The following KATNIP variants were observed in gnomAD, a reference collection of about 807,000 sequenced individuals.
KATNIP encodes katanin interacting protein.
In KATNIP, 126 loss-of-function variants were observed where a neutral mutation model predicts 174.0. The ratio of observed to expected loss-of-function variants is 0.72; its 90% CI spans 0.63 to 0.84. KATNIP has a LOEUF of 0.84. KATNIP is among the 40% of genes least tolerant of loss of function. KATNIP has a pLI of 0.00. For missense variants in KATNIP, 1,958 were observed against 2,109.7 expected (o/e 0.93, Z 1.41); for synonymous variants, 810 against 835.7 (o/e 0.97, Z 0.53).
intron 5 of KATNIP, among the ~76,000 whole-genome samples, chr16:27,642,003 A>G (rs931074602): frequency 6.6e-6 from 1 of 152,200 alleles, no homozygotes; most frequent in Non-Finnish European, 1.5e-5. Context: ...CCCCGGCTAG[A>G]AGGCCTCCTG....
At chr16:27,679,515 G>T (rs972393302) in intron 7 of KATNIP, among the ~76,000 whole-genome samples, 3 of 152,088 alleles carry the variant, frequency 2.0e-5, no homozygotes, top group African/African-American at 7.2e-5. Context: ...AACAGTTTCG[G>T]CAGCCAAGGC....
chr16:27,654,587 G>A (rs2077209455), intron 6 of KATNIP: 1 of 1,351,956 alleles, frequency 7.4e-7, no homozygotes, highest in African/African-American at 1.5e-5. Flanking sequence ...ACCATGCCCA[G>A]TTTTCTGTGC....
At chr16:27,655,187 T>TGG (rs2077232603) in intron 6 of KATNIP, among the ~76,000 whole-genome samples, 56 of 45,486 alleles carry the variant, frequency 1.2e-3, no homozygotes, top group African/African-American at 6.9e-3. Flanking sequence ...GATATATATA[T>TGG]ATATATATAT....
At chr16:27,703,833 G>T in intron 11 of KATNIP, 63 bp from the exon 12 acceptor site, 1 of 1,247,236 alleles carries the variant, frequency 8.0e-7, no homozygotes, top group Non-Finnish European at 1.2e-6. Flanking sequence ...ACTTTTGATT[G>T]GAATGTTCTC....
chr16:27,661,997 T>C lies in KATNIP; in HGVS notation c.540+13262T>C, dbSNP rs1433236282. Among the ~76,000 whole-genome samples, 23 of 44,560 alleles carry C rather than the reference T, an allele frequency of 5.2e-4. 4 individuals carry two copies. The highest frequency in any genetic ancestry group is 3.2e-3 in the African/African-American group (20 of 6,314). The allele number at this position is 44,560 out of a possible 152,430, so 29.2% of individuals were successfully genotyped here. On this transcript the variant is annotated intron_variant, in intron 6 of 27. Coordinates refer to ENST00000261588, the MANE Select transcript of KATNIP (RefSeq NM_015202.5). ...ATATATATATATATACACATACATA[T>C]ATATATATATATATATATACACATA...
intron 18 of KATNIP, among the ~76,000 whole-genome samples, chr16:27,760,290 C>T (rs1168078682): frequency 6.6e-6 from 1 of 152,106 alleles, no homozygotes; most frequent in Admixed American, 6.5e-5. Context: ...TCTCTAAGGG[C>T]AGAAGGGTTT....
In KATNIP at chr16:27,750,259, G is replaced by C; in HGVS notation, c.3299G>C (p.Cys1100Ser). 6.2e-7 allele frequency: 1 copy of C among 1,613,986 alleles called. No homozygotes were observed. The highest frequency in any genetic ancestry group is 8.5e-7 in the Non-Finnish European group (1 of 1,179,916). The change falls in exon 16 of 28, where the codon TGC becomes TCC. Residue 1100 changes from cysteine (C) to serine (S), a missense_variant. This residue lies in a region of KATNIP where 1,557 missense variants were observed against 1,617.8 expected (regional missense o/e 0.96). Coordinates refer to ENST00000261588, the MANE Select transcript of KATNIP (RefSeq NM_015202.5). The part of the protein sequence containing the change: ...KDITMLLDTQ[C>S]IFEGEIAKAS... ...ATCACAATGCTGTTAGACACCCAGT[G>C]CATCTTTGAAGGAGAAATCGCCAAG...
chr16:27,674,189 G>C (rs764476612), intron 6 of KATNIP, among the ~76,000 whole-genome samples: 74 of 152,168 alleles, frequency 4.9e-4, no homozygotes, highest in Non-Finnish European at 9.0e-4. Context: ...GGATGAAAGG[G>C]GGAGAACTCT....
chr16:27,694,791 C>CAATAAATAAATAAATAAATAAATA (rs57439444), intron 8 of KATNIP, among the ~76,000 whole-genome samples: 1 of 148,774 alleles, frequency 6.7e-6, no homozygotes, highest in African/African-American at 2.5e-5. Flanking sequence ...GACCCTACCA[C>CAATAAATAAATAAATAAATAAATA]AATAAATAAA....
At chr16:27,684,088 C>A (rs1165450144) in intron 8 of KATNIP, among the ~76,000 whole-genome samples, 1 of 152,110 alleles carries the variant, frequency 6.6e-6, no homozygotes, top group Non-Finnish European at 1.5e-5. Context: ...ATTCAAGTAA[C>A]AAAATTAAGG....
chr16:27,674,500 G>C (rs1442091358), intron 6 of KATNIP, among the ~76,000 whole-genome samples: 1 of 152,224 alleles, frequency 6.6e-6, no homozygotes, highest in Non-Finnish European at 1.5e-5. Context: ...ATGTCCTCCT[G>C]TTTCAAATCC....
intron 2 of KATNIP, among the ~76,000 whole-genome samples, chr16:27,592,137 A>C (rs1030565203): frequency 2.0e-5 from 3 of 152,090 alleles, no homozygotes; most frequent in African/African-American, 7.2e-5. Context: ...AATTTAGATG[A>C]CTGGGCATGA....
chr16:27,660,027 C>G, intron 6 of KATNIP: 2 of 982,652 alleles, frequency 2.0e-6, no homozygotes, highest in Non-Finnish European at 2.4e-6. Context: ...TCGGAGTTTG[C>G]GAGTCTTGTT....
intron 20 of KATNIP, among the ~76,000 whole-genome samples, chr16:27,766,795 C>CT (rs2082141476): frequency 6.6e-6 from 1 of 152,180 alleles, no homozygotes; most frequent in South Asian, 2.1e-4. Flanking sequence ...GGCCAGGCCT[C>CT]TGCTGAGGGC....
At chr16:27,673,415 T>C (rs1019694647) in intron 6 of KATNIP, among the ~76,000 whole-genome samples, 7 of 152,222 alleles carry the variant, frequency 4.6e-5, no homozygotes, top group African/African-American at 1.7e-4. Context: ...TGTCAGACTT[T>C]GAAGACATAA....
intron 1 of KATNIP, among the ~76,000 whole-genome samples, chr16:27,564,096 T>C (rs2089996330): frequency 6.6e-6 from 1 of 150,992 alleles, no homozygotes; most frequent in South Asian, 2.1e-4. Flanking sequence ...CCAGGGGGAG[T>C]TGACGGGGCC....
intron 2 of KATNIP, among the ~76,000 whole-genome samples, chr16:27,603,390 C>T (rs951558970): frequency 1.3e-5 from 2 of 152,180 alleles, no homozygotes; most frequent in Non-Finnish European, 2.9e-5. Flanking sequence ...GCTTGGCACA[C>T]GCCCAGGAAT....
chr16:27,776,731 T>TG lies in KATNIP; in HGVS notation c.4450-196dup, dbSNP rs1266336974. On this transcript the variant is annotated intron_variant, in intron 24 of 27. Transcript: ENST00000261588. The surrounding 1 kb of genome is among the most constrained non-coding windows in gnomAD (Gnocchi z 4.7). ...TCCAAAAGCCAGCTCAGCGGTTTGT[T>TG]GCAAATGCAGCCACACGTGACCTGA... The TG allele has an allele frequency of 5.4e-6, 3 of 557,722 alleles. No homozygotes were observed. Among genetic ancestry groups the TG allele is most frequent in the Non-Finnish European group, 9.6e-6 (3 of 312,554 alleles). 34.5% of individuals were successfully genotyped at this position (557,722 alleles called of 1,614,324 possible). A position where few individuals can be genotyped will look rare whatever the true frequency, so the allele number is the denominator to read the frequency against.
chr16:27,573,979 C>CTGATGGGA (rs1042354618), intron 2 of KATNIP, 23 bp downstream of exon 2: 1 of 1,609,140 alleles, frequency 6.2e-7, no homozygotes, highest in African/African-American at 1.3e-5. Flanking sequence ...CTGGCGAGGG[C>CTGATGGGA]TGATGGGAGG....
Sources: allele counts gnomAD v4.1 joint callset (sites outside exome capture counted in the v4.1 genomes callset), GRCh38; gene constraint gnomAD v4.1.1; regional missense constraint gnomAD v4.1.1; non-coding constraint Gnocchi (gnomAD v3.1); transcripts MANE v1.5; gene names NCBI Gene and HGNC (gene_info 2026-07-23, HGNC 2026-07-21).